Variants in SAMMSON observed in about 807,000 individuals in gnomAD.
The protein encoded by SAMMSON is survival associated mitochondrial melanoma specific oncogenic non-coding RNA, also known as long intergenic non-protein coding RNA 1212.
intron 7 of SAMMSON, among the ~76,000 whole-genome samples, chr3:70,339,266 G>A (rs1702691388): frequency 6.6e-6 from 1 of 152,122 alleles, no homozygotes; most frequent in African/African-American, 2.4e-5. Context: ...ATGGATTAAA[G>A]ACTTAAATGT....
Position 70,038,177 on chromosome 3 carries a change from G to A in SAMMSON, n.417+24505G>A, listed in dbSNP as rs9842106. 5.7e-3 allele frequency among the ~76,000 whole-genome samples: 867 copies of A among 152,316 alleles called. 4 individuals are homozygous for A. The highest frequency in any genetic ancestry group is 0.02 in the African/African-American group (820 of 41,566). ...TTGAAATTTGATCCCCAATGTGGCA[G>A]TGTTGTGTGATAGGGTATAATGACA... On this transcript the variant is annotated intron_variant and non_coding_transcript_variant, in intron 3 of 9. Coordinates refer to ENST00000642114, the Ensembl canonical transcript of SAMMSON.
At chr3:70,082,153 T>TA (rs2067269951) in intron 4 of SAMMSON, among the ~76,000 whole-genome samples, 2 of 152,172 alleles carry the variant, frequency 1.3e-5, no homozygotes, top group African/African-American at 4.8e-5. Context: ...AGAACTTATG[T>TA]AGTGGGCTTG....
chr3:70,336,415 T>C (rs1702660589), intron 7 of SAMMSON, among the ~76,000 whole-genome samples: 1 of 152,034 alleles, frequency 6.6e-6, no homozygotes, highest in Non-Finnish European at 1.5e-5. Flanking sequence ...TGGGTATCTC[T>C]AAAGTTATAC....
intron 4 of SAMMSON, among the ~76,000 whole-genome samples, chr3:70,153,509 A>T (rs1323263221): frequency 2.7e-5 from 4 of 149,824 alleles, no homozygotes; most frequent in Admixed American, 6.7e-5. Flanking sequence ...TCATAAATTT[A>T]AAAAAAAAAT....
intron 3 of SAMMSON, among the ~76,000 whole-genome samples, chr3:70,028,814 C>T (rs968825764): frequency 2.6e-5 from 4 of 152,292 alleles, no homozygotes; most frequent in African/African-American, 9.6e-5. Flanking sequence ...ATGTCATCCA[C>T]GCAGTGGAGT....
intron 3 of SAMMSON, among the ~76,000 whole-genome samples, chr3:70,038,792 A>G (rs545933160): frequency 2.6e-5 from 4 of 152,320 alleles, no homozygotes; most frequent in South Asian, 2.1e-4. Flanking sequence ...ATGAATAGAA[A>G]CAATTTTTCA....
chr3:70,325,822 T>A (rs9820256), intron 7 of SAMMSON, among the ~76,000 whole-genome samples: 2,016 of 152,218 alleles, frequency 0.013, 30 homozygotes, highest in African/African-American at 0.045. Flanking sequence ...ATAAAGGAAG[T>A]CTTGTCTGAA....
At chr3:70,411,575 T>C (rs942895397) in intron 2 of SAMMSON, among the ~76,000 whole-genome samples, 1 of 152,180 alleles carries the variant, frequency 6.6e-6, no homozygotes, top group Non-Finnish European at 1.5e-5. Flanking sequence ...TCATCTTGAA[T>C]TGTAGCTCCC....
intron 1 of SAMMSON, among the ~76,000 whole-genome samples, chr3:70,011,334 C>T (rs2066954744): frequency 6.6e-6 from 1 of 152,072 alleles, no homozygotes; most frequent in East Asian, 1.9e-4. Flanking sequence ...AACTCCATTC[C>T]AGGTCTCCTT....
chr3:70,095,256 C>A (rs551304307), intron 4 of SAMMSON, among the ~76,000 whole-genome samples: 1 of 152,280 alleles, frequency 6.6e-6, no homozygotes, highest in South Asian at 2.1e-4. Flanking sequence ...ATCTTTAGTT[C>A]CCTTAGGGAA....
chr3:70,024,188 T>C (rs538835819), intron 3 of SAMMSON, among the ~76,000 whole-genome samples: 5 of 152,292 alleles, frequency 3.3e-5, no homozygotes, highest in African/African-American at 1.2e-4. Flanking sequence ...TCTTTTATAT[T>C]CCTACAATGA....
chr3:70,167,268 AAGT>A (rs1559526838), intron 4 of SAMMSON, among the ~76,000 whole-genome samples: 1 of 151,994 alleles, frequency 6.6e-6, no homozygotes, highest in African/African-American at 2.4e-5. Flanking sequence ...TAATAAAAAT[AAGT>A]AGATTGGTAG....
chr3:70,187,455 T>TTTTTTG (rs1701099472), intron 4 of SAMMSON, among the ~76,000 whole-genome samples: 1 of 130,268 alleles, frequency 7.7e-6, no homozygotes, highest in African/African-American at 2.8e-5. Context: ...TTTTTTTTTT[T>TTTTTTG]GAGACGGAGT....
intron 4 of SAMMSON, among the ~76,000 whole-genome samples, chr3:70,247,525 T>C (rs1027495455): frequency 2.6e-5 from 4 of 151,754 alleles, no homozygotes; most frequent in Non-Finnish European, 5.9e-5. Flanking sequence ...TTTAAACATA[T>C]AGGATTTTTC....
chr3:70,072,032 C>T (rs1430328673), intron 4 of SAMMSON: 1 of 151,808 alleles, frequency 6.6e-6, no homozygotes, highest in African/African-American at 2.4e-5. Context: ...CAAAAATATT[C>T]AGGACAAATT....
chr3:70,356,751 C>T lies in SAMMSON; in HGVS notation n.843-1503C>T, dbSNP rs577612270. 2.0e-5 allele frequency among the ~76,000 whole-genome samples: 3 copies of T among 151,818 alleles called. No individual in the cohort carries two copies. The South Asian group carries it at 6.3e-4, about 32-fold the overall frequency. On this transcript the variant is annotated intron_variant and non_coding_transcript_variant, in intron 8 of 9. Transcript: ENST00000642114. Reference sequence around the variant, plus strand: ...AAGTTAAATTGATGTTTCTTTCTGCCTTAAGAATACCAATCCCAGGCTGTC... The same window carrying T: ...AAGTTAAATTGATGTTTCTTTCTGCTTTAAGAATACCAATCCCAGGCTGTC...
chr3:70,380,375 A>G (rs1174131792), intron 9 of SAMMSON, among the ~76,000 whole-genome samples: 1 of 152,168 alleles, frequency 6.6e-6, no homozygotes, highest in African/African-American at 2.4e-5. Context: ...CCTGTAACAT[A>G]CTATTTGAAT....
At chr3:70,142,159 A>T (rs573106144) in intron 4 of SAMMSON, among the ~76,000 whole-genome samples, 1 of 152,174 alleles carries the variant, frequency 6.6e-6, no homozygotes, top group Non-Finnish European at 1.5e-5. Context: ...CTACCATTTG[A>T]TTCAGCTATC....
At chr3:70,269,756 T>G (rs1297166810) in intron 6 of SAMMSON, among the ~76,000 whole-genome samples, 1 of 152,222 alleles carries the variant, frequency 6.6e-6, no homozygotes, top group Non-Finnish European at 1.5e-5. Context: ...GTCTATTGAA[T>G]GTTTAAATAT....
Sources: allele counts gnomAD v4.1 joint callset (sites outside exome capture counted in the v4.1 genomes callset), GRCh38; gene constraint gnomAD v4.1.1; transcripts MANE v1.5; gene names NCBI Gene and HGNC (gene_info 2026-07-23, HGNC 2026-07-21).